PSMF1: variants seen among roughly 807,000 people sequenced by gnomAD.
PSMF1 encodes proteasome inhibitor subunit 1.
In PSMF1, 30 loss-of-function variants were observed where a neutral mutation model predicts 29.3. The observed-to-expected ratio is 1.02, with a 90% confidence interval of 0.77 to 1.39. The LOEUF (loss-of-function observed/expected upper bound fraction) is 1.39. Ranked by LOEUF, PSMF1 falls within the 40% of genes most tolerant of loss-of-function variation. The pLI, the probability that PSMF1 is intolerant of heterozygous loss-of-function variation, is 0.00. For missense variants in PSMF1, 344 were observed against 357.5 expected (o/e 0.96, Z 0.31); for synonymous variants, 134 against 139.7 (o/e 0.96, Z 0.29).
upstream of PSMF1, among the ~76,000 whole-genome samples, chr20:1,114,114 T>C (rs2085993859): frequency 6.6e-6 from 1 of 152,192 alleles, no homozygotes; most frequent in Non-Finnish European, 1.5e-5. Flanking sequence ...GACTGCTTTC[T>C]CTAAATTATG....
In PSMF1 at chr20:1,119,835, G is replaced by A. The variant is rs143530306; in HGVS notation, c.129+933G>A. On this transcript the variant is annotated intron_variant, in intron 1 of 6. Transcript: ENST00000335877. ...TCCATGCCTGCCCCTCACTGTCACT[G>A]TTCTCTCACTCTCAGAACCAAGACT... 1.8e-3 allele frequency among the ~76,000 whole-genome samples: 275 copies of A among 152,222 alleles called. 2 individuals carry two copies. The highest frequency in any genetic ancestry group is 6.1e-3 in the African/African-American group (255 of 41,520).
In PSMF1 at chr20:1,163,221, C is replaced by G. The variant is rs369700108; in HGVS notation, c.605+38C>G. 28 of 1,602,628 alleles carry G rather than the reference C, an allele frequency of 1.7e-5. No individual in the cohort carries two copies. Among genetic ancestry groups the G allele is most frequent in the Non-Finnish European group, 2.4e-5 (28 of 1,170,230 alleles). On this transcript the variant is annotated intron_variant, in intron 5 of 6. Coordinates refer to ENST00000335877, the MANE Select transcript of PSMF1 (RefSeq NM_006814.5). The surrounding 1 kb of genome is among the most constrained non-coding windows in gnomAD (Gnocchi z 6.1). ...GGGGAGGTGGCAGCAACACAACTTGCTTTTGTGGCTTTTCAGCCCCAGCTC... is the reference window on the plus strand; with the variant it reads ...GGGGAGGTGGCAGCAACACAACTTGGTTTTGTGGCTTTTCAGCCCCAGCTC...
At chr20:1,146,944 A>AG (rs2086457251) in intron 4 of PSMF1, among the ~76,000 whole-genome samples, 2 of 152,206 alleles carry the variant, frequency 1.3e-5, no homozygotes, top group African/African-American at 2.4e-5. Context: ...GGCAAAGATG[A>AG]GAACAAATGT....
rs1183276241 is a variant in PSMF1, at chr20:1,163,090, T to G, written c.552-40T>G. The stretch of plus-strand genomic sequence containing the variant: ...ATCCCACATGTATCAGGTGCCTGGC[T>G]GCTCTGGGACTTGCAGTAATTGTCT... On this transcript the variant is annotated intron_variant, in intron 4 of 6. Coordinates refer to ENST00000335877, the MANE Select transcript of PSMF1 (RefSeq NM_006814.5). This position sits in a 1 kb window ranked among gnomAD's most constrained non-coding sequence, Gnocchi z 6.1. The G allele has an allele frequency of 1.6e-5, 25 of 1,611,176 alleles. No homozygotes were observed. Among genetic ancestry groups the G allele is most frequent in the Non-Finnish European group, 1.8e-5 (21 of 1,177,820 alleles).
upstream of PSMF1, chr20:1,118,507 C>G: frequency 8.9e-6 from 3 of 336,976 alleles, no homozygotes; most frequent in Non-Finnish European, 1.6e-5. Flanking sequence ...GGGCCACGCC[C>G]CGCTCGCACT....
In PSMF1 at chr20:1,167,900, T is replaced by C. The variant is rs952580979; in HGVS notation, c.*2820T>C. The C allele has an allele frequency of 6.6e-6, 1 of 152,250 alleles. No homozygotes were observed. Among genetic ancestry groups the C allele is most frequent in the Non-Finnish European group, 1.5e-5 (1 of 68,040 alleles). 9.4% of individuals were successfully genotyped at this position (152,250 alleles called of 1,614,324 possible). A position where few individuals can be genotyped will look rare whatever the true frequency, so the allele number is the denominator to read the frequency against. ...CACATGGTAGCTCTATATTCTACTT[T>C]GTGAGGAATTGTCAGACTGTTTTCC... is the stretch of plus-strand genomic sequence containing the variant. On this transcript the variant is annotated 3_prime_UTR_variant, in exon 7 of 7. Coordinates refer to ENST00000335877, the MANE Select transcript of PSMF1 (RefSeq NM_006814.5).
intron 4 of PSMF1, among the ~76,000 whole-genome samples, chr20:1,146,391 G>T (rs2086450729): frequency 6.6e-6 from 1 of 151,894 alleles, no homozygotes; most frequent in Non-Finnish European, 1.5e-5. Context: ...AACTTTAGCT[G>T]GACAAAAATG....
At chr20:1,159,632 A>G (rs897744254) in intron 4 of PSMF1, among the ~76,000 whole-genome samples, 1 of 152,194 alleles carries the variant, frequency 6.6e-6, no homozygotes, top group Non-Finnish European at 1.5e-5. Flanking sequence ...GCGGGGGGGC[A>G]CTTCATGGAG....
At chr20:1,123,847 T>G (rs2086120920) in intron 1 of PSMF1, among the ~76,000 whole-genome samples, 1 of 152,236 alleles carries the variant, frequency 6.6e-6, no homozygotes, top group African/African-American at 2.4e-5. Flanking sequence ...TACACAGACA[T>G]CTGGCAAAAA....
chr20:1,122,088 C>T (rs2122449479), intron 1 of PSMF1, among the ~76,000 whole-genome samples: 1 of 152,242 alleles, frequency 6.6e-6, no homozygotes, highest in South Asian at 2.1e-4. Flanking sequence ...GCTTCCAGTG[C>T]CAGGATTTTG....
At chr20:1,138,647 G>A (rs1175969194) in intron 4 of PSMF1, among the ~76,000 whole-genome samples, 1 of 151,882 alleles carries the variant, frequency 6.6e-6, no homozygotes, top group Non-Finnish European at 1.5e-5. Context: ...AATATAGTGA[G>A]ACCCTGTCTT....
intron 4 of PSMF1, among the ~76,000 whole-genome samples, chr20:1,142,183 C>T (rs1474780178): frequency 1.3e-5 from 2 of 152,184 alleles, no homozygotes; most frequent in Non-Finnish European, 2.9e-5. Context: ...GATCGCGCCA[C>T]ACCACTGCAC....
Position 1,168,719 on chromosome 20 carries a change from C to G in PSMF1, c.*3639C>G, listed in dbSNP as rs535394999. Among the ~76,000 whole-genome samples the G allele has an allele frequency of 6.6e-6, 1 of 152,198 alleles. No individual in the cohort carries two copies. The highest frequency in any genetic ancestry group is 1.5e-5 in the Non-Finnish European group (1 of 68,034). On this transcript the variant is annotated 3_prime_UTR_variant, in exon 7 of 7. Transcript: ENST00000335877. ...CTAGTTTCTCCTATGGCCTCCCTTTCTACTGTTGTTAATAACATTCTATTA... is the reference window on the plus strand; with the variant it reads ...CTAGTTTCTCCTATGGCCTCCCTTTGTACTGTTGTTAATAACATTCTATTA...
chr20:1,118,614 C>T lies in PSMF1; in HGVS notation c.-160C>T. The T allele has an allele frequency of 4.6e-6, 4 of 876,906 alleles. No individual in the cohort carries two copies. The highest frequency in any genetic ancestry group is 6.6e-6 in the Non-Finnish European group (4 of 608,570). 54.3% of individuals were successfully genotyped at this position (876,906 alleles called of 1,614,324 possible). On this transcript the variant is annotated 5_prime_UTR_variant, in exon 1 of 7. Transcript: ENST00000335877. ...TGGGACTACTTCCGGCTTCCCCGCCCCGCCCCGTCCCCGGGCGTCTCCATT... is the reference window on the plus strand; with the variant it reads ...TGGGACTACTTCCGGCTTCCCCGCCTCGCCCCGTCCCCGGGCGTCTCCATT...
chr20:1,145,548 G>A (rs907103143), intron 4 of PSMF1, among the ~76,000 whole-genome samples: 2 of 152,190 alleles, frequency 1.3e-5, no homozygotes, highest in African/African-American at 4.8e-5. Flanking sequence ...CAGAGCCCTG[G>A]AAGGACAGGC....
intron 4 of PSMF1, among the ~76,000 whole-genome samples, chr20:1,150,535 G>A (rs573019966): frequency 2.0e-4 from 30 of 151,660 alleles, no homozygotes; most frequent in East Asian, 9.7e-4. Flanking sequence ...TTTTTTTCTC[G>A]AAGTTTACTA....
intron 3 of PSMF1, among the ~76,000 whole-genome samples, chr20:1,129,948 G>A (rs768558413): frequency 2.0e-5 from 3 of 152,200 alleles, no homozygotes; most frequent in Non-Finnish European, 4.4e-5. Flanking sequence ...ATGAATGGAT[G>A]AACAAAATTT....
rs2086738020 is a variant in PSMF1 at position 1,167,031 on chromosome 20, T to C, written c.*1951T>C. The C allele has an allele frequency of 6.6e-6, 1 of 152,238 alleles. No homozygotes were observed. Among genetic ancestry groups the C allele is most frequent in the African/African-American group, 2.4e-5 (1 of 41,466 alleles). 9.4% of individuals were successfully genotyped at this position (152,238 alleles called of 1,614,324 possible). The stretch of plus-strand genomic sequence containing the variant: ...AAGATAGTTATATACAAAATTCTGT[T>C]TTCTGAAAACAAAATTGTGATTCAC... On this transcript the variant is annotated 3_prime_UTR_variant, in exon 7 of 7. Transcript: ENST00000335877.
chr20:1,149,120 G>T (rs2086492860), intron 4 of PSMF1, among the ~76,000 whole-genome samples: 1 of 152,136 alleles, frequency 6.6e-6, no homozygotes, highest in South Asian at 2.1e-4. Flanking sequence ...TCTGCATTCA[G>T]TCTGTAGGGG....
Sources: gnomAD v4.1 joint callset for allele counts (sites outside exome capture counted in the v4.1 genomes callset) on GRCh38, gnomAD v4.1.1 for gene constraint, Gnocchi (gnomAD v3.1) non-coding constraint, MANE v1.5 for transcripts, NCBI Gene and HGNC (gene_info 2026-07-23, HGNC 2026-07-21) for gene names.